Variants in CATSPERQ observed in about 807,000 individuals in gnomAD.
The protein encoded by CATSPERQ is catsper channel auxiliary subunit theta, also known as cation channel sperm-associated auxiliary subunit theta.
chr8:144,354,269 C>T, the CATSPERQ span: 8 of 1,536,000 alleles, frequency 5.2e-6, no homozygotes, highest in African/African-American at 2.7e-5. This position sits in a 1 kb window ranked among gnomAD's most constrained non-coding sequence, Gnocchi z 4.6. Flanking sequence ...ACCAGGACCA[C>T]GCTGATGATG....
the CATSPERQ span, chr8:144,354,776 G>C: frequency 1.3e-6 from 2 of 1,532,122 alleles, no homozygotes; most frequent in East Asian, 4.9e-5. This position sits in a 1 kb window ranked among gnomAD's most constrained non-coding sequence, Gnocchi z 4.6. Context: ...ATCTGAGTCA[G>C]GCAGAGGTGG....
the CATSPERQ span, chr8:144,353,464 C>G: frequency 6.5e-7 from 1 of 1,535,902 alleles, no homozygotes; most frequent in South Asian, 1.2e-5. Flanking sequence ...TAGGAGGTGG[C>G]CAGGTAGTCG....
At chr8:144,353,930 T>C in the CATSPERQ span, 11 of 1,528,170 alleles carry the variant, frequency 7.2e-6, no homozygotes, top group Non-Finnish European at 9.6e-6. Context: ...TCCCCGTCCC[T>C]GGCGCACCCT....
At chr8:144,354,262 A>G in the CATSPERQ span, 2 of 1,537,020 alleles carry the variant, frequency 1.3e-6, no homozygotes, top group Non-Finnish European at 1.7e-6. The surrounding 1 kb of genome is among the most constrained non-coding windows in gnomAD (Gnocchi z 4.6). Flanking sequence ...GAAGCTGACC[A>G]GGACCACGCT....
At chr8:144,353,360 G>T in the CATSPERQ span, 6 of 1,533,562 alleles carry the variant, frequency 3.9e-6, no homozygotes, top group East Asian at 1.2e-4. Context: ...ACACCTCCAG[G>T]CTGGACTGAG....
the CATSPERQ span, chr8:144,353,352 A>G: frequency 6.5e-7 from 1 of 1,529,398 alleles, no homozygotes; most frequent in Non-Finnish European, 8.7e-7. Flanking sequence ...TCAGAGTCAC[A>G]CCTCCAGGCT....
the CATSPERQ span, chr8:144,354,584 G>A: frequency 3.0e-5 from 8 of 267,862 alleles, no homozygotes; most frequent in East Asian, 1.1e-4. The surrounding 1 kb of genome is among the most constrained non-coding windows in gnomAD (Gnocchi z 4.6). Context: ...TCCCAGCCCC[G>A]CCCCGCCCCG....
At chr8:144,354,145 T>G in the CATSPERQ span, 1 of 1,534,724 alleles carries the variant, frequency 6.5e-7, no homozygotes, top group Non-Finnish European at 8.7e-7. The surrounding 1 kb of genome is among the most constrained non-coding windows in gnomAD (Gnocchi z 4.6). Context: ...CTCTTGCTTC[T>G]GCACCTGCGG....
the CATSPERQ span, chr8:144,354,571 C>CCCGGA: frequency 2.7e-6 from 2 of 736,472 alleles, no homozygotes; most frequent in African/African-American, 1.9e-5. This position sits in a 1 kb window ranked among gnomAD's most constrained non-coding sequence, Gnocchi z 4.6. Context: ...CCCGCCCCGC[C>CCCGGA]CTTCCCAGCC....
the CATSPERQ span, chr8:144,354,618 G>C: frequency 1.6e-5 from 22 of 1,383,368 alleles, no homozygotes; most frequent in Non-Finnish European, 2.1e-5. This position sits in a 1 kb window ranked among gnomAD's most constrained non-coding sequence, Gnocchi z 4.6. Flanking sequence ...CGCGCGCACC[G>C]TTTGGCTCCT....
At chr8:144,354,562 C>T in the CATSPERQ span, 1 of 684,084 alleles carries the variant, frequency 1.5e-6, no homozygotes, top group Non-Finnish European at 2.4e-6. The surrounding 1 kb of genome is among the most constrained non-coding windows in gnomAD (Gnocchi z 4.6). Context: ...CCCTCCTCCC[C>T]CGCCCCGCCC....
chr8:144,354,219 G>C, the CATSPERQ span: 1 of 1,546,160 alleles, frequency 6.5e-7, no homozygotes, highest in South Asian at 1.2e-5. This position sits in a 1 kb window ranked among gnomAD's most constrained non-coding sequence, Gnocchi z 4.6. Context: ...GGTGGGGGTC[G>C]GGCCCAGGGG....
the CATSPERQ span, chr8:144,354,427 G>A: frequency 1.5e-6 from 2 of 1,343,012 alleles, no homozygotes; most frequent in Non-Finnish European, 9.9e-7. The surrounding 1 kb of genome is among the most constrained non-coding windows in gnomAD (Gnocchi z 4.6). Context: ...GTCCGCGCAG[G>A]GCTCGCGGAG....
chr8:144,354,751 G>A, the CATSPERQ span: 5 of 1,535,132 alleles, frequency 3.3e-6, no homozygotes, highest in East Asian at 7.3e-5. This position sits in a 1 kb window ranked among gnomAD's most constrained non-coding sequence, Gnocchi z 4.6. Flanking sequence ...CAGGCTGCCG[G>A]CCCGGCCCTT....
the CATSPERQ span, chr8:144,353,630 G>A: frequency 0.013 from 18,410 of 1,458,038 alleles, 333 homozygotes; most frequent in African/African-American, 0.08. Context: ...CGTCCTGCCC[G>A]AAGCCCCGGC....
At chr8:144,353,285 G>A in the CATSPERQ span, 7 of 1,462,388 alleles carry the variant, frequency 4.8e-6, no homozygotes, top group South Asian at 2.7e-5. Flanking sequence ...CATTTGATCT[G>A]CCCCAGAGTG....
chr8:144,353,525 T>G, the CATSPERQ span: 1 of 1,533,024 alleles, frequency 6.5e-7, no homozygotes, highest in Non-Finnish European at 8.7e-7. Flanking sequence ...AGTATTCCAT[T>G]TGCTGTGGGA....
the CATSPERQ span, chr8:144,353,638 G>T: frequency 6.9e-7 from 1 of 1,455,670 alleles, no homozygotes; most frequent in Non-Finnish European, 9.2e-7. Context: ...CCGAAGCCCC[G>T]GCGCCCTCTC....
chr8:144,354,228 G>A, the CATSPERQ span: 2 of 1,545,570 alleles, frequency 1.3e-6, no homozygotes, highest in Non-Finnish European at 1.7e-6. This position sits in a 1 kb window ranked among gnomAD's most constrained non-coding sequence, Gnocchi z 4.6. Context: ...CGGGCCCAGG[G>A]GCTCACACCT....
Sources: allele counts gnomAD v4.1 joint callset, GRCh38; gene constraint gnomAD v4.1.1; non-coding constraint Gnocchi (gnomAD v3.1); transcripts MANE v1.5; gene names NCBI Gene and HGNC (gene_info 2026-07-23, HGNC 2026-07-21).